Variants in VSTM2L observed in about 807,000 individuals in gnomAD.
The protein encoded by VSTM2L is V-set and transmembrane domain-containing protein 2-like protein.
A neutral mutation model predicts 19.9 loss-of-function variants in VSTM2L; 9 were observed. That is an observed-to-expected ratio of 0.45 (90% confidence interval 0.27 to 0.79). The LOEUF (loss-of-function observed/expected upper bound fraction) is 0.79, where lower values mean the gene tolerates loss of function less well. Among genes scored for constraint, VSTM2L ranks in the 30% least tolerant of loss-of-function variants. The probability of loss-of-function intolerance (pLI) is 0.15; values close to 1 mark genes in which losing one functional copy is unlikely to be tolerated. For missense variants in VSTM2L, 286 were observed against 295.5 expected, an observed-to-expected ratio of 0.97 and a Z score of 0.24; for synonymous variants, 127 against 133.8, an observed-to-expected ratio of 0.95 and a Z score of 0.35.
intron 1 of VSTM2L, among the ~76,000 whole-genome samples, chr20:37,929,972 C>T (rs1018747124): frequency 1.3e-5 from 2 of 152,116 alleles, no homozygotes; most frequent in Admixed American, 6.5e-5. Flanking sequence ...TGTGTGATGG[C>T]GCCCCACACC....
At chr20:37,936,161 G>T (rs1307697416) in intron 3 of VSTM2L, among the ~76,000 whole-genome samples, 1 of 151,590 alleles carries the variant, frequency 6.6e-6, no homozygotes, top group Non-Finnish European at 1.5e-5. Context: ...ATCCCAAAGT[G>T]TTGGGATTAC....
At chr20:37,918,958 C>T (rs2072835374) in intron 1 of VSTM2L, among the ~76,000 whole-genome samples, 1 of 152,220 alleles carries the variant, frequency 6.6e-6, no homozygotes, top group African/African-American at 2.4e-5. Flanking sequence ...GAACAGTGCA[C>T]ATTCTGAACA....
chr20:37,923,763 G>A (rs188031191), intron 1 of VSTM2L, among the ~76,000 whole-genome samples: 291 of 152,192 alleles, frequency 1.9e-3, no homozygotes, highest in African/African-American at 5.2e-3. Context: ...GTAGGGGGCC[G>A]GGTTACAGGC....
intron 1 of VSTM2L, among the ~76,000 whole-genome samples, chr20:37,911,366 C>T: frequency 6.6e-6 from 1 of 152,244 alleles, no homozygotes; most frequent in South Asian, 2.1e-4. Flanking sequence ...CAAGCTGAGC[C>T]CTACCCGTTA....
chr20:37,913,848 C>T (rs1244159600), intron 1 of VSTM2L, among the ~76,000 whole-genome samples: 1 of 152,178 alleles, frequency 6.6e-6, no homozygotes, highest in Non-Finnish European at 1.5e-5. Flanking sequence ...TTGGTCTTAC[C>T]CCTGGAGAAG....
chr20:37,910,500 G>C (rs1285373069), intron 1 of VSTM2L, among the ~76,000 whole-genome samples: 3 of 152,238 alleles, frequency 2.0e-5, no homozygotes, highest in Non-Finnish European at 4.4e-5. Flanking sequence ...TTGGGCACCT[G>C]TCATGTGCCA....
chr20:37,931,754 G>C lies in VSTM2L; in HGVS notation c.241G>C (p.Val81Leu), dbSNP rs981985797. Residue 81 changes from valine (V) to leucine (L), a missense_variant, in exon 2 of 4, where the codon GTA (valine) becomes CTA (leucine). Transcript: ENST00000373461. The stretch of plus-strand genomic sequence containing the variant: ...CTCGCTGGAGATCCAGTGGTGGTAT[G>C]TACGGAGCCACCGGGACTGGACCGA... ...SYSLEIQWWY[V>L]RSHRDWTDKQ... 1.2e-6 allele frequency: 2 copies of C among 1,613,834 alleles called. No individual in the cohort carries two copies. The highest frequency in any genetic ancestry group is 1.7e-6 in the Non-Finnish European group (2 of 1,180,044).
chr20:37,933,177 C>CAGAT (rs138377417), intron 2 of VSTM2L, among the ~76,000 whole-genome samples: 4,538 of 152,306 alleles, frequency 0.03, 212 homozygotes, highest in African/African-American at 0.1. Context: ...AACACACTCT[C>CAGAT]AGAGTGACTC....
At chr20:37,942,752 G>A (rs375241095) in intron 3 of VSTM2L, among the ~76,000 whole-genome samples, 3 of 152,170 alleles carry the variant, frequency 2.0e-5, no homozygotes, top group South Asian at 2.1e-4. Context: ...CATTTCCTCA[G>A]GCTGTGTGCA....
chr20:37,936,051 A>ATTTTTTTTTTTTTTT (rs5841281), intron 3 of VSTM2L, among the ~76,000 whole-genome samples: 1 of 138,922 alleles, frequency 7.2e-6, no homozygotes, highest in Non-Finnish European at 1.5e-5. Flanking sequence ...TACCTAGCTA[A>ATTTTTTTTTTTTTTT]TTTTTTTTTT....
intron 1 of VSTM2L, among the ~76,000 whole-genome samples, chr20:37,924,676 TCAG>T (rs35987672): frequency 4.6e-5 from 7 of 151,702 alleles, no homozygotes; most frequent in Middle Eastern, 3.4e-3. Context: ...ATCATCATAA[TCAG>T]CAGCAGCAGC....
At chr20:37,923,678 G>A (rs1484184598) in intron 1 of VSTM2L, among the ~76,000 whole-genome samples, 1 of 152,154 alleles carries the variant, frequency 6.6e-6, no homozygotes, top group Non-Finnish European at 1.5e-5. Context: ...AGGAGAGATG[G>A]ATTCTATGTC....
At position 37,942,125 on chromosome 20, in the gene VSTM2L, C is replaced by T. The variant is rs549867809; in HGVS notation, c.343-1856C>T. 1.8e-4 allele frequency among the ~76,000 whole-genome samples: 28 copies of T among 152,194 alleles called. No homozygotes were observed. In the East Asian group the frequency reaches 3.3e-3, roughly 18 times the overall value. On this transcript the variant is annotated intron_variant, in intron 3 of 3. Transcript: ENST00000373461. ...TGGAAATCACATAAATGTCCATCGA[C>T]GGTGATCACATAAACAAATCGTGCA...
chr20:37,925,542 C>T (rs1480264679), intron 1 of VSTM2L, among the ~76,000 whole-genome samples: 4 of 152,164 alleles, frequency 2.6e-5, no homozygotes, highest in South Asian at 2.1e-4. Context: ...GGGTGGAGGT[C>T]GGGACAGGCC....
chr20:37,917,010 C>T (rs891601848), intron 1 of VSTM2L, among the ~76,000 whole-genome samples: 1 of 152,112 alleles, frequency 6.6e-6, no homozygotes, highest in Non-Finnish European at 1.5e-5. Flanking sequence ...ACTCAATTGT[C>T]CACTTTAAAG....
At position 37,903,427 on chromosome 20, in the gene VSTM2L, G is replaced by T; in HGVS notation, c.77G>T (p.Arg26Leu). Residue 26 changes from arginine to leucine, a missense_variant, in exon 1 of 4, where the codon CGG becomes CTG. Transcript: ENST00000373461. ...TTCCTGCAACTCGGCGGCGCCACGC[G>T]GCCCGCCGGCCACGCGCCCTGGGAC... ...ALFLQLGGAT[R>L]PAGHAPWDNH... The T allele has an allele frequency of 2.0e-6, 3 of 1,487,928 alleles. No homozygotes were observed. Among genetic ancestry groups the T allele is most frequent in the Non-Finnish European group, 1.8e-6 (2 of 1,125,402 alleles). 92.2% of individuals were successfully genotyped at this position (1,487,928 alleles called of 1,614,324 possible). A position where few individuals can be genotyped will look rare whatever the true frequency, so the allele number is the denominator to read the frequency against.
At chr20:37,936,919 G>C (rs916130560) in intron 3 of VSTM2L, among the ~76,000 whole-genome samples, 2 of 149,310 alleles carry the variant, frequency 1.3e-5, no homozygotes, top group African/African-American at 4.9e-5. Flanking sequence ...ATGTGGGCAA[G>C]GGAATAAAAA....
chr20:37,914,394 GTGTATGTATGTGTGGGTATGTC>G (rs2072801472), intron 1 of VSTM2L, among the ~76,000 whole-genome samples: 1 of 150,478 alleles, frequency 6.6e-6, no homozygotes, highest in African/African-American at 2.4e-5. Flanking sequence ...GTGTGGGTGT[GTGTATGTATGTGTGGGTATGTC>G]TGTATATGTG....
At chr20:37,926,071 T>C (rs2072877649) in intron 1 of VSTM2L, among the ~76,000 whole-genome samples, 1 of 152,216 alleles carries the variant, frequency 6.6e-6, no homozygotes, top group South Asian at 2.1e-4. Flanking sequence ...TTTTTTTGTT[T>C]GTTTTTTGAG....
Sources: gnomAD v4.1 joint callset for allele counts (sites outside exome capture counted in the v4.1 genomes callset) on GRCh38, gnomAD v4.1.1 for gene constraint, MANE v1.5 for transcripts, NCBI Gene and HGNC (gene_info 2026-07-23, HGNC 2026-07-21) for gene names.